MCTP2: variants seen among roughly 807,000 people sequenced by gnomAD.
MCTP2 encodes the protein multiple C2 and transmembrane domain containing 2.
MCTP2 carries 132 observed loss-of-function variants against 111.6 expected under a neutral mutation model. The observed-to-expected ratio is 1.18, with a 90% CI of 1.03 to 1.37. The LOEUF is 1.37. MCTP2 is among the 40% of genes most tolerant of loss of function. MCTP2 has a pLI of 0.00. For missense variants in MCTP2, 1,183 were observed against 1,067.9 expected, an observed-to-expected ratio of 1.11 and a Z score of -1.50; for synonymous variants, 395 against 387.7, an observed-to-expected ratio of 1.02 and a Z score of -0.22.
At chr15:94,289,737 A>C (rs1284691967) in intron 1 of MCTP2, among the ~76,000 whole-genome samples, 4 of 152,202 alleles carry the variant, frequency 2.6e-5, no homozygotes, top group Admixed American at 2.6e-4. Flanking sequence ...AGAGACCTAT[A>C]CGCTGGTATG....
intron 1 of MCTP2, among the ~76,000 whole-genome samples, chr15:94,295,613 A>G (rs1033059560): frequency 6.6e-6 from 1 of 152,184 alleles, no homozygotes; most frequent in Non-Finnish European, 1.5e-5. Flanking sequence ...TTTGCTGAGA[A>G]GGTACTGGCC....
At chr15:94,477,069 T>C (rs1022037268) in intron 22 of MCTP2, among the ~76,000 whole-genome samples, 1 of 152,202 alleles carries the variant, frequency 6.6e-6, no homozygotes, top group African/African-American at 2.4e-5. Context: ...TTTCGATTGC[T>C]TGCCTCCCTA....
rs998624800 is a variant in MCTP2 at position 94,480,173 on chromosome 15, A to G, written c.*1139A>G. 9 of 152,232 alleles carry G rather than the reference A, an allele frequency of 5.9e-5. No homozygotes were observed. The highest frequency in any genetic ancestry group is 2.2e-4 in the African/African-American group (9 of 41,456). 9.4% of individuals were successfully genotyped at this position (152,232 alleles called of 1,614,324 possible). On this transcript the variant is annotated 3_prime_UTR_variant, in exon 23 of 23. Transcript: ENST00000357742. ...GTAAAAATCCTGACTTTGTGCGTATATAAAATGTATGCAATTAAGTCTGTT... is the reference window on the plus strand; with the variant it reads ...GTAAAAATCCTGACTTTGTGCGTATGTAAAATGTATGCAATTAAGTCTGTT...
At chr15:94,422,436 A>T (rs1348136999) in intron 17 of MCTP2, among the ~76,000 whole-genome samples, 1 of 152,194 alleles carries the variant, frequency 6.6e-6, no homozygotes, top group Non-Finnish European at 1.5e-5. Flanking sequence ...AAGCAAGTAA[A>T]ATCTTGTATT....
Position 94,358,756 on chromosome 15 carries a change from T to G in MCTP2, c.1301+144T>G, listed in dbSNP as rs962824338. Reference sequence around the variant, plus strand: ...CATCAGTGAGCTGGATGGCCAGTCCTAACTGGGGGAAAGTTTGCTTTTCAT... The same window carrying G: ...CATCAGTGAGCTGGATGGCCAGTCCGAACTGGGGGAAAGTTTGCTTTTCAT... On this transcript the variant is annotated intron_variant, in intron 10 of 22. Coordinates refer to ENST00000357742, the MANE Select transcript of MCTP2 (RefSeq NM_001385001.1). 8 of 884,218 alleles carry G rather than the reference T, an allele frequency of 9.0e-6. No homozygotes were observed. In the African/African-American group the frequency reaches 1.2e-4, roughly 13 times the overall value. The allele number at this position is 884,218 out of a possible 1,614,324, so 54.8% of individuals were successfully genotyped here. A position where few individuals can be genotyped will look rare whatever the true frequency, so the allele number is the denominator to read the frequency against.
At chr15:94,437,295 G>A (rs1290148493) in intron 17 of MCTP2, among the ~76,000 whole-genome samples, 1 of 151,744 alleles carries the variant, frequency 6.6e-6, no homozygotes. Context: ...TGTATTTGCA[G>A]TCTCTTACAG....
At chr15:94,269,946 A>G (rs2073818400) in intron 1 of MCTP2, among the ~76,000 whole-genome samples, 1 of 152,046 alleles carries the variant, frequency 6.6e-6, no homozygotes. Context: ...TTATCCATCT[A>G]TATTGTAACA....
chr15:94,260,463 C>T (rs1330258363), intron 1 of MCTP2, among the ~76,000 whole-genome samples: 4 of 152,180 alleles, frequency 2.6e-5, no homozygotes, highest in African/African-American at 9.7e-5. Flanking sequence ...TCTCATGGGC[C>T]ACAGAGTGGT....
intron 1 of MCTP2, among the ~76,000 whole-genome samples, chr15:94,251,174 AC>A (rs2072391533): frequency 6.6e-6 from 1 of 152,266 alleles, no homozygotes; most frequent in South Asian, 2.1e-4. Context: ...TGAGGACAGG[AC>A]CCATGGTCAC....
chr15:94,369,947 ATATAT>A, intron 11 of MCTP2, 135 bp from the exon 12 acceptor site: 1 of 498,596 alleles, frequency 2.0e-6, no homozygotes, highest in Non-Finnish European at 3.4e-6. Flanking sequence ...CTGTTATATA[ATATAT>A]TTTTGGGGAT....
intron 8 of MCTP2, among the ~76,000 whole-genome samples, chr15:94,345,823 A>C: frequency 6.6e-6 from 1 of 152,240 alleles, no homozygotes; most frequent in East Asian, 1.9e-4. Flanking sequence ...CTTAATTTAT[A>C]AATTAAGGAG....
intron 17 of MCTP2, among the ~76,000 whole-genome samples, chr15:94,422,861 T>C (rs2152494947): frequency 6.6e-6 from 1 of 152,340 alleles, no homozygotes; most frequent in Admixed American, 6.5e-5. Flanking sequence ...CATCGTCTTT[T>C]TTCTTTTTTC....
At chr15:94,473,787 A>AC (rs1324142661) in intron 21 of MCTP2, among the ~76,000 whole-genome samples, 5 of 152,150 alleles carry the variant, frequency 3.3e-5, no homozygotes, top group African/African-American at 1.2e-4. Flanking sequence ...CAGGCAAGGA[A>AC]CCCCTGCCTC....
Position 94,258,396 on chromosome 15 carries a change from C to T in MCTP2, c.-66+26732C>T, listed in dbSNP as rs150404104. Among the ~76,000 whole-genome samples the T allele has an allele frequency of 5.0e-3, 758 of 152,204 alleles. 1 individual carries two copies. The highest frequency in any genetic ancestry group is 0.017 in the African/African-American group (722 of 41,520). On this transcript the variant is annotated intron_variant, in intron 1 of 22. Transcript: ENST00000357742. ...AAATCTTTTTATCCTGCCTCTGCCC[C>T]ATCACCTGGGTCCACAAAAAAGCAT... is the stretch of plus-strand genomic sequence containing the variant.
intron 4 of MCTP2, among the ~76,000 whole-genome samples, chr15:94,335,720 A>G (rs2077329689): frequency 6.6e-6 from 1 of 152,280 alleles, no homozygotes; most frequent in Non-Finnish European, 1.5e-5. Context: ...AACTAGTTAC[A>G]TAAACTAACA....
intron 1 of MCTP2, among the ~76,000 whole-genome samples, chr15:94,257,864 C>A (rs1222615470): frequency 6.6e-6 from 1 of 150,484 alleles, no homozygotes; most frequent in Admixed American, 6.6e-5. Context: ...GGATTACAGG[C>A]GTGAGCCACC....
intron 17 of MCTP2, among the ~76,000 whole-genome samples, chr15:94,430,440 C>G (rs986274058): frequency 2.1e-5 from 3 of 143,218 alleles, no homozygotes; most frequent in Non-Finnish European, 3.1e-5. Context: ...CACACACACA[C>G]ACACTGGAAG....
chr15:94,322,743 C>A (rs1596353888), intron 4 of MCTP2, among the ~76,000 whole-genome samples: 1 of 152,328 alleles, frequency 6.6e-6, no homozygotes, highest in Middle Eastern at 3.4e-3. Context: ...GGAAATACGA[C>A]ATGAAATCAT....
At chr15:94,287,515 G>A (rs2074817779) in intron 1 of MCTP2, among the ~76,000 whole-genome samples, 1 of 152,138 alleles carries the variant, frequency 6.6e-6, no homozygotes, top group Non-Finnish European at 1.5e-5. Context: ...ACGTGGTTGT[G>A]TACTACTCAC....
Sources: gnomAD v4.1 joint callset for allele counts (sites outside exome capture counted in the v4.1 genomes callset) on GRCh38, gnomAD v4.1.1 for gene constraint, MANE v1.5 for transcripts, NCBI Gene and HGNC (gene_info 2026-07-23, HGNC 2026-07-21) for gene names.